TSNARE1: variants seen among roughly 807,000 people sequenced by gnomAD.
The protein encoded by TSNARE1 is t-SNARE domain containing 1, also known as t-SNARE domain-containing protein 1.
In TSNARE1, 49 loss-of-function variants were observed where a neutral mutation model predicts 62.0. The observed-to-expected ratio is 0.79, with a 90% confidence interval of 0.63 to 1.00. The LOEUF (loss-of-function observed/expected upper bound fraction) is 1.00. Among genes scored for constraint, TSNARE1 ranks in the 50% least tolerant of loss-of-function variants. TSNARE1 has a pLI of 0.00. For synonymous variants in TSNARE1, 328 were observed against 294.4 expected (o/e 1.11, Z -1.17); for missense variants, 755 against 700.1 (o/e 1.08, Z -0.88).
At chr8:142,405,657 T>G (rs1348563982), upstream of TSNARE1, 2 of 152,248 alleles carry the variant, frequency 1.3e-5, no homozygotes, top group Non-Finnish European at 2.9e-5. Flanking sequence ...TCCAGGTCAG[T>G]GTCAACCTAT....
At chr8:142,277,794 G>A (rs1586966067) in intron 11 of TSNARE1, 1 of 985,152 alleles carries the variant, frequency 1.0e-6, no homozygotes, top group Non-Finnish European at 1.2e-6. Flanking sequence ...CTCAGTCTAG[G>A]GCAGGGAACC....
intron 13 of TSNARE1, among the ~76,000 whole-genome samples, chr8:142,219,142 G>A (rs557847040): frequency 6.6e-6 from 1 of 152,184 alleles, no homozygotes; most frequent in Admixed American, 6.5e-5. Flanking sequence ...CCTGGGTGGT[G>A]CTTCCCTGGG....
intron 1 of TSNARE1, among the ~76,000 whole-genome samples, chr8:142,371,811 T>A (rs867332246): frequency 6.6e-6 from 1 of 152,080 alleles, no homozygotes; most frequent in African/African-American, 2.4e-5. Context: ...AAGCTGAGGG[T>A]TGGCAAACAA....
chr8:142,213,452 G>A (rs1349202126), intron 13 of TSNARE1, among the ~76,000 whole-genome samples: 1 of 151,408 alleles, frequency 6.6e-6, no homozygotes, highest in African/African-American at 2.4e-5. Flanking sequence ...CAGCAAGCAT[G>A]TATCATTTTT....
intron 10 of TSNARE1, among the ~76,000 whole-genome samples, chr8:142,287,953 G>A (rs539782785): frequency 2.8e-4 from 43 of 152,242 alleles, no homozygotes; most frequent in Admixed American, 5.9e-4. Context: ...CGGGGATCGT[G>A]GGGCTCCCTT....
At chr8:142,338,639 C>T (rs1414046433) in intron 4 of TSNARE1, among the ~76,000 whole-genome samples, 5 of 152,276 alleles carry the variant, frequency 3.3e-5, no homozygotes, top group Non-Finnish European at 5.9e-5. Context: ...GCTCTGCTGC[C>T]ACCAGGCATG....
intron 1 of TSNARE1, among the ~76,000 whole-genome samples, chr8:142,398,885 G>A (rs1285567451): frequency 1.3e-5 from 2 of 152,190 alleles, no homozygotes; most frequent in Non-Finnish European, 2.9e-5. Flanking sequence ...AGGGCCCTGT[G>A]CAGCACAGTC....
chr8:142,229,745 A>G (rs1173376969), intron 12 of TSNARE1, among the ~76,000 whole-genome samples, 166 bp from the exon 13 acceptor site: 1 of 152,196 alleles, frequency 6.6e-6, no homozygotes, highest in Non-Finnish European at 1.5e-5. Flanking sequence ...GTCCTGAGCT[A>G]GCATGACTGT....
intron 1 of TSNARE1, among the ~76,000 whole-genome samples, chr8:142,392,419 C>T (rs1011420998): frequency 2.0e-5 from 3 of 152,198 alleles, no homozygotes; most frequent in Non-Finnish European, 4.4e-5. Flanking sequence ...TCAAGTCTTA[C>T]GTAGCGTATG....
chr8:142,216,042 C>T (rs1327987480), intron 13 of TSNARE1, among the ~76,000 whole-genome samples: 1 of 152,154 alleles, frequency 6.6e-6, no homozygotes, highest in African/African-American at 2.4e-5. Flanking sequence ...GCTGAGTGGC[C>T]CTGTGATGGG....
intron 13 of TSNARE1, among the ~76,000 whole-genome samples, chr8:142,227,784 T>TCCTGGC (rs1816910844): frequency 1.3e-5 from 2 of 152,254 alleles, no homozygotes; most frequent in South Asian, 4.1e-4. Flanking sequence ...GTCCATGCTG[T>TCCTGGC]CCTGGCCATG....
At chr8:142,234,943 C>T (rs1274972319) in intron 12 of TSNARE1, among the ~76,000 whole-genome samples, 1 of 151,980 alleles carries the variant, frequency 6.6e-6, no homozygotes, top group African/African-American at 2.4e-5. Context: ...GTGAGTGCCC[C>T]AGTCTAAATA....
chr8:142,285,449 T>G (rs889765304), intron 10 of TSNARE1, among the ~76,000 whole-genome samples: 6 of 37,868 alleles, frequency 1.6e-4, no homozygotes, highest in South Asian at 9.1e-4. Context: ...TGTGGGTGGG[T>G]GGGGTAGGTG....
At chr8:142,318,022 G>A (rs533266196) in intron 7 of TSNARE1, among the ~76,000 whole-genome samples, 6 of 152,316 alleles carry the variant, frequency 3.9e-5, no homozygotes, top group Admixed American at 6.5e-5. Flanking sequence ...CAGCTGAGCC[G>A]GAACGGTAGT....
chr8:142,270,518 C>A, intron 12 of TSNARE1: 1 of 965,752 alleles, frequency 1.0e-6, no homozygotes, highest in South Asian at 4.9e-5. Context: ...GTATTTATAA[C>A]AGAAAATTGG....
chr8:142,283,524 G>A (rs1179830792), intron 11 of TSNARE1, among the ~76,000 whole-genome samples: 21 of 144,468 alleles, frequency 1.5e-4, no homozygotes, highest in Non-Finnish European at 2.4e-4. Context: ...GTCTGTCAAT[G>A]AGCAGAGGCG....
At chr8:142,280,502 G>A (rs1372612622) in intron 11 of TSNARE1, among the ~76,000 whole-genome samples, 1 of 152,144 alleles carries the variant, frequency 6.6e-6, no homozygotes, top group Non-Finnish European at 1.5e-5. Context: ...GCTACTCTCT[G>A]GGCCTCCCGC....
In TSNARE1 at chr8:142,339,927, T is replaced by C. The variant is rs58438909; in HGVS notation, c.745+4039A>G. On this transcript the variant is annotated intron_variant, in intron 4 of 13. Coordinates refer to ENST00000524325, the MANE Select transcript of TSNARE1 (RefSeq NM_145003.5). ...CACACATGGCAACAGTCCTGCAGCA[T>C]GCAGGCAACTCCGCAGAGGACTGAG... Among the ~76,000 whole-genome samples the C allele has an allele frequency of 2.0e-4, 31 of 152,360 alleles. No individual in the cohort carries two copies. In the East Asian group the frequency reaches 2.5e-3, roughly 12 times the overall value.
At position 142,279,001 on chromosome 8, in the gene TSNARE1, A is replaced by G. The variant is rs575318409; in HGVS notation, c.1364-4138T>C. Among the ~76,000 whole-genome samples, 7 of 152,292 alleles carry G rather than the reference A, an allele frequency of 4.6e-5. No homozygotes were observed. The East Asian group carries it at 9.7e-4, about 21-fold the overall frequency. ...TCAAGGGCCAGCTGGCTGGAGGTGC[A>G]TATGGGCTGAGGCTCCTCCCACCTG... On this transcript the variant is annotated intron_variant, in intron 11 of 13. Transcript: ENST00000524325.
Sources: allele counts gnomAD v4.1 joint callset (sites outside exome capture counted in the v4.1 genomes callset), GRCh38; gene constraint gnomAD v4.1.1; transcripts MANE v1.5; gene names NCBI Gene and HGNC (gene_info 2026-07-23, HGNC 2026-07-21).